The following SMAD3 variants were observed in gnomAD, a reference collection of about 807,000 sequenced individuals.
SMAD3 encodes the protein MAD homolog 3.
In SMAD3, 12 loss-of-function variants were observed where a neutral mutation model predicts 51.8. The observed-to-expected ratio is 0.23, with a 90% CI of 0.15 to 0.38. The LOEUF is 0.38. Among genes scored for constraint, SMAD3 ranks in the 10% least tolerant of loss-of-function variants. The pLI is 1.00. For synonymous variants in SMAD3, 238 were observed against 227.7 expected, an observed-to-expected ratio of 1.05 and a Z score of -0.41; for missense variants, 294 against 565.6, an observed-to-expected ratio of 0.52 and a Z score of 4.87.
intron 1 of SMAD3, among the ~76,000 whole-genome samples, chr15:67,122,859 A>G (rs1961298479): frequency 6.6e-6 from 1 of 152,182 alleles, no homozygotes; most frequent in Admixed American, 6.5e-5. Flanking sequence ...CTTCATCTGT[A>G]AAACAGGGAT....
intron 1 of SMAD3, among the ~76,000 whole-genome samples, chr15:67,096,248 C>T (rs935102270): frequency 2.0e-5 from 3 of 152,200 alleles, no homozygotes; most frequent in Non-Finnish European, 4.4e-5. Context: ...ATTGCCTTTT[C>T]CTTTCAGATC....
chr15:67,168,796 AGTGTGTGGGT>A (rs1022414995), intron 4 of SMAD3, among the ~76,000 whole-genome samples: 3 of 152,150 alleles, frequency 2.0e-5, no homozygotes, highest in Non-Finnish European at 4.4e-5. Context: ...GACCCCAGCC[AGTGTGTGGGT>A]GGGGGCTCTC....
intron 1 of SMAD3, among the ~76,000 whole-genome samples, chr15:67,119,882 G>T (rs1174498490): frequency 1.3e-5 from 2 of 152,026 alleles, no homozygotes; most frequent in East Asian, 3.9e-4. Flanking sequence ...CTGCAGCCTT[G>T]ACCTCCCAGG....
intron 1 of SMAD3, among the ~76,000 whole-genome samples, chr15:67,090,729 T>C (rs1960491474): frequency 6.6e-6 from 1 of 152,190 alleles, no homozygotes; most frequent in Non-Finnish European, 1.5e-5. Context: ...TTCTCCTTAC[T>C]GCAGTTCCCC....
In SMAD3 at chr15:67,190,668, A is replaced by T. The variant is rs777850257; in HGVS notation, c.*132A>T. On this transcript the variant is annotated 3_prime_UTR_variant, in exon 9 of 9. Coordinates refer to ENST00000327367, the MANE Select transcript of SMAD3 (RefSeq NM_005902.4). ...CTTTCTCCCTCAACTGAAGGGGTGCACCCACCTGTTTTCTGAAACACACGA... is the reference window on the plus strand; with the variant it reads ...CTTTCTCCCTCAACTGAAGGGGTGCTCCCACCTGTTTTCTGAAACACACGA... 1.1e-6 allele frequency: 1 copy of T among 939,110 alleles called. No homozygotes were observed. The highest frequency in any genetic ancestry group is 1.6e-6 in the Non-Finnish European group (1 of 609,256). 58.2% of individuals were successfully genotyped at this position (939,110 alleles called of 1,614,324 possible). A position where few individuals can be genotyped will look rare whatever the true frequency, so the allele number is the denominator to read the frequency against.
chr15:67,069,497 C>T (rs1960004321), intron 1 of SMAD3, among the ~76,000 whole-genome samples: 1 of 152,166 alleles, frequency 6.6e-6, no homozygotes, highest in Non-Finnish European at 1.5e-5. Context: ...ACACTTAAAA[C>T]TTAGTTTTCT....
rs979638777 is a variant in SMAD3 at position 67,171,862 on chromosome 15, G to A, written c.658+1258G>A. Among the ~76,000 whole-genome samples, 6 of 152,322 alleles carry A rather than the reference G, an allele frequency of 3.9e-5. No homozygotes were observed. In the South Asian group the frequency reaches 8.3e-4, roughly 21 times the overall value. ...TAAAAACAAACTGAAGGCTAGAAGCGAAGTTAACACTTGAGAAATTAAAGG... is the reference window on the plus strand; with the variant it reads ...TAAAAACAAACTGAAGGCTAGAAGCAAAGTTAACACTTGAGAAATTAAAGG... On this transcript the variant is annotated intron_variant, in intron 5 of 8. Transcript: ENST00000327367.
chr15:67,090,527 G>GGAT (rs1960487843), intron 1 of SMAD3, among the ~76,000 whole-genome samples: 1 of 152,134 alleles, frequency 6.6e-6, no homozygotes, highest in Non-Finnish European at 1.5e-5. Context: ...GAATGGGGCA[G>GGAT]GATGATGATG....
intron 1 of SMAD3, among the ~76,000 whole-genome samples, chr15:67,075,252 G>C (rs2140198532): frequency 6.6e-6 from 1 of 152,268 alleles, no homozygotes; most frequent in East Asian, 1.9e-4. Context: ...TTTTCCTTTT[G>C]CTTCAAATCT....
chr15:67,149,924 C>CT (rs957811482), intron 1 of SMAD3, among the ~76,000 whole-genome samples: 30 of 152,194 alleles, frequency 2.0e-4, no homozygotes, highest in Non-Finnish European at 3.5e-4. Context: ...CTTAAACTAA[C>CT]TTTTTCAAGA....
intron 1 of SMAD3, among the ~76,000 whole-genome samples, chr15:67,084,909 A>C (rs966361942): frequency 6.6e-6 from 1 of 152,162 alleles, no homozygotes; most frequent in Non-Finnish European, 1.5e-5. Flanking sequence ...AAGAAACTAG[A>C]ATCTACTGCT....
rs58255931 is a variant in SMAD3 at position 67,113,096 on chromosome 15, T to TATATATATATATATATATA, written c.206+46736_206+46737insATATATATATATATATATA. ...TATGTGTATATATATATATATATAT[T>TATATATATATATATATATA]TTTTTGAGACAGAGTCTTGCTCTGT... is the stretch of plus-strand genomic sequence containing the variant. On this transcript the variant is annotated intron_variant, in intron 1 of 8. Transcript: ENST00000327367. 9.8e-3 allele frequency among the ~76,000 whole-genome samples: 853 copies of TATATATATATATATATATA among 86,788 alleles called. 77 individuals carry two copies. Among genetic ancestry groups the TATATATATATATATATATA allele is most frequent in the South Asian group, 0.019 (40 of 2,096 alleles). 56.9% of individuals were successfully genotyped at this position (86,788 alleles called of 152,430 possible).
At chr15:67,083,331 T>A (rs1960317989) in intron 1 of SMAD3, among the ~76,000 whole-genome samples, 2 of 152,148 alleles carry the variant, frequency 1.3e-5, no homozygotes, top group African/African-American at 4.8e-5. Flanking sequence ...CCATCGCCTG[T>A]TTATAAGAGG....
intron 1 of SMAD3, among the ~76,000 whole-genome samples, chr15:67,098,286 C>T (rs1051492741): frequency 7.9e-5 from 12 of 151,190 alleles, no homozygotes; most frequent in African/African-American, 2.9e-4. Context: ...AACTGCCCCC[C>T]CACCCCACCA....
chr15:67,135,726 T>C (rs1961643412), intron 1 of SMAD3, among the ~76,000 whole-genome samples: 1 of 152,206 alleles, frequency 6.6e-6, no homozygotes, highest in Non-Finnish European at 1.5e-5. Context: ...CTCTCTAAGA[T>C]GCCAGAAGCA....
chr15:67,113,736 G>A (rs1194701158), intron 1 of SMAD3, among the ~76,000 whole-genome samples: 1 of 152,164 alleles, frequency 6.6e-6, no homozygotes, highest in Non-Finnish European at 1.5e-5. Context: ...TGAAATATAA[G>A]CATATTTCTC....
chr15:67,083,988 G>A (rs1469464691), intron 1 of SMAD3, among the ~76,000 whole-genome samples: 1 of 151,402 alleles, frequency 6.6e-6, no homozygotes, highest in Non-Finnish European at 1.5e-5. Flanking sequence ...CTGGGTGTTG[G>A]TCTTCTCTTC....
intron 1 of SMAD3, among the ~76,000 whole-genome samples, chr15:67,114,917 C>A (rs1277787692): frequency 6.6e-6 from 1 of 152,226 alleles, no homozygotes; most frequent in African/African-American, 2.4e-5. Context: ...TTGTAATATG[C>A]CACACATGTT....
chr15:67,122,740 T>A (rs960423499), intron 1 of SMAD3, among the ~76,000 whole-genome samples: 4 of 152,076 alleles, frequency 2.6e-5, no homozygotes, highest in Non-Finnish European at 5.9e-5. Context: ...TGTAGGGTGG[T>A]AAGGAATAGG....
Sources: gnomAD v4.1 joint callset for allele counts (sites outside exome capture counted in the v4.1 genomes callset) on GRCh38, gnomAD v4.1.1 for gene constraint, MANE v1.5 for transcripts, NCBI Gene and HGNC (gene_info 2026-07-23, HGNC 2026-07-21) for gene names.